Variants in NID2 observed in about 807,000 individuals in gnomAD.
NID2 encodes the protein nidogen-2.
Under a neutral mutation model 145.4 loss-of-function variants are expected in NID2, and 83 were observed. That is an observed-to-expected ratio of 0.57 (90% confidence interval 0.48 to 0.69). The LOEUF (loss-of-function observed/expected upper bound fraction) is 0.69. Among genes scored for constraint, NID2 ranks in the 30% least tolerant of loss-of-function variants. The probability of loss-of-function intolerance (pLI) is 0.00; values close to 1 mark genes in which losing one functional copy is unlikely to be tolerated. For synonymous variants in NID2, 739 were observed against 701.3 expected (o/e 1.05, Z -0.85); for missense variants, 1,807 against 1,765.7 (o/e 1.02, Z -0.42).
chr14:52,040,578 T>C, intron 8 of NID2, 73 bp downstream of exon 8: 1 of 1,330,000 alleles, frequency 7.5e-7, no homozygotes, highest in South Asian at 1.2e-5. Flanking sequence ...ATGTAAGTCA[T>C]TTAAGCCTTG....
chr14:52,052,963 A>G (rs1317301199), intron 5 of NID2, among the ~76,000 whole-genome samples: 1 of 152,204 alleles, frequency 6.6e-6, no homozygotes, highest in Non-Finnish European at 1.5e-5. Context: ...TCTCAGTCCG[A>G]TCAGTGGGTC....
At chr14:52,015,340 A>G in intron 14 of NID2, 65 bp from the exon 15 acceptor site, 1 of 1,476,160 alleles carries the variant, frequency 6.8e-7, no homozygotes, top group Non-Finnish European at 9.2e-7. Context: ...AGAATGCAAA[A>G]TGTAGCTCAA....
intron 6 of NID2, 79 bp from the exon 7 acceptor site, chr14:52,042,429 G>C (rs1341211544): frequency 3.4e-6 from 5 of 1,478,554 alleles, no homozygotes; most frequent in Non-Finnish European, 4.5e-6. Context: ...TTATTCCACT[G>C]ACAACTTCCA....
At chr14:52,045,700 G>A (rs1034298786) in intron 5 of NID2, among the ~76,000 whole-genome samples, 43 of 152,174 alleles carry the variant, frequency 2.8e-4, no homozygotes, top group Non-Finnish European at 5.1e-4. Flanking sequence ...CAAAATCTCA[G>A]GTTTCTCCAG....
At chr14:52,037,448 C>A (rs1204846131) in intron 9 of NID2, among the ~76,000 whole-genome samples, 1 of 152,110 alleles carries the variant, frequency 6.6e-6, no homozygotes, top group Non-Finnish European at 1.5e-5. Context: ...TCCCCACTCC[C>A]GGCACTGTTG....
At chr14:52,042,996 G>A (rs1011067194) in intron 5 of NID2, 65 bp from the exon 6 acceptor site, 1 of 1,506,728 alleles carries the variant, frequency 6.6e-7, no homozygotes, top group Non-Finnish European at 9.2e-7. Context: ...CTGCATCGGG[G>A]ACACAACATC....
intron 9 of NID2, among the ~76,000 whole-genome samples, chr14:52,032,922 C>T (rs1891920454): frequency 1.3e-5 from 2 of 151,990 alleles, no homozygotes; most frequent in Admixed American, 1.3e-4. Flanking sequence ...AAATGTATGT[C>T]ACTGACAGGA....
At chr14:52,068,192 C>T in intron 1 of NID2, 29 bp from the exon 2 acceptor site, 5 of 1,603,514 alleles carry the variant, frequency 3.1e-6, no homozygotes, top group African/African-American at 1.3e-5. Context: ...AAAAAGGTGA[C>T]AGTCGCTCAA....
intron 16 of NID2, chr14:52,011,955 AATT>A (rs1891046671): frequency 5.6e-6 from 2 of 355,184 alleles, no homozygotes; most frequent in Admixed American, 7.7e-5. Context: ...TTGCTATAAA[AATT>A]AATACTATAA....
chr14:52,026,492 A>T (rs144004646), intron 12 of NID2, among the ~76,000 whole-genome samples: 161 of 152,346 alleles, frequency 1.1e-3, no homozygotes, highest in Middle Eastern at 3.4e-3. Context: ...TTTCAATCTG[A>T]TCACATACCA....
intron 9 of NID2, among the ~76,000 whole-genome samples, chr14:52,030,589 A>AGGAAGG (rs1566755767): frequency 2.4e-5 from 1 of 41,376 alleles, no homozygotes; most frequent in South Asian, 1.7e-3. Context: ...AAAGAAAGAA[A>AGGAAGG]GAAAGAAAGA....
rs1410536227 is a variant in NID2 at position 52,068,755 on chromosome 14, G to A, written c.228+12C>T. The A allele has an allele frequency of 6.3e-7, 1 of 1,594,108 alleles. No individual in the cohort carries two copies. The highest frequency in any genetic ancestry group is 1.7e-5 in the Admixed American group (1 of 59,906). ...AGCTGCGGGAAAAGTGCCAGGAGGG[G>A]GCTGAACTTACGTAGAGGTTGCTGA... On this transcript the variant is annotated intron_variant, in intron 1 of 21. Transcript: ENST00000216286.
rs1336063816 is a variant in NID2, at chr14:52,042,107, G to A, written c.1823C>T (p.Ala608Val). ...GCCTTCTCAGAGGCCCTACTCACCT[G>A]CGAGGCTGAAGCCGTTCTCAGAGCC... ...KPGSENGFSL[A>V]GAAFTHDMEV... Residue 608 changes from alanine (A) to valine (V), a missense_variant and splice_region_variant, in exon 7 of 22, where the codon GCA becomes GTA. Physicochemically the swap from Ala to Val is moderately conservative, Grantham distance 64. Coordinates refer to ENST00000216286, the MANE Select transcript of NID2 (RefSeq NM_007361.4). The A allele has an allele frequency of 1.3e-6, 2 of 1,588,770 alleles. No homozygotes were observed. The highest frequency in any genetic ancestry group is 1.2e-5 in the South Asian group (1 of 86,488).
In NID2 at chr14:52,011,574, G is replaced by C. The variant is rs1285250100; in HGVS notation, c.3530C>G (p.Pro1177Arg). The change falls in exon 17 of 22, where the codon CCT becomes CGT. Residue 1177 changes from proline to arginine, a missense_variant. Transcript: ENST00000216286. ...CTGACCTGAATTCACGATCGTCTCA[G>C]GCTCTGCTCCCAGTTCCAGACCAGC... Reference protein sequence around the residue: ...SRAGLELGAEPETIVNSGLIS... With the variant: ...SRAGLELGAERETIVNSGLIS... 15 of 1,614,068 alleles carry C rather than the reference G, an allele frequency of 9.3e-6. No homozygotes were observed. The highest frequency in any genetic ancestry group is 1.3e-5 in the African/African-American group (1 of 74,908).
At chr14:52,044,843 C>T (rs185200093) in intron 5 of NID2, among the ~76,000 whole-genome samples, 3 of 152,096 alleles carry the variant, frequency 2.0e-5, no homozygotes, top group East Asian at 1.9e-4. Flanking sequence ...GTCTCGGTCT[C>T]GAACTCCTGG....
At chr14:52,053,464 C>T in intron 5 of NID2, 115 bp downstream of exon 5, 1 of 1,136,822 alleles carries the variant, frequency 8.8e-7, no homozygotes, top group South Asian at 1.6e-5. Flanking sequence ...AAATTAGATC[C>T]AATCTTCTTT....
In NID2 at chr14:52,044,400, G is replaced by C. The variant is rs552005178; in HGVS notation, c.1430-1469C>G. 1.3e-4 allele frequency among the ~76,000 whole-genome samples: 14 copies of C among 108,698 alleles called. No homozygotes were observed. In the East Asian group the frequency reaches 3.2e-3, roughly 24 times the overall value. The allele number at this position is 108,698 out of a possible 152,430, so 71.3% of individuals were successfully genotyped here. A position where few individuals can be genotyped will look rare whatever the true frequency, so the allele number is the denominator to read the frequency against. On this transcript the variant is annotated intron_variant, in intron 5 of 21. Transcript: ENST00000216286. The stretch of plus-strand genomic sequence containing the variant: ...TTCTCTTGCCTCAGCCTCCTGAGTA[G>C]CTGGGACTACAGGCACCCACCACCA...
At chr14:52,067,260 A>C (rs1266130595) in intron 2 of NID2, among the ~76,000 whole-genome samples, 1 of 152,256 alleles carries the variant, frequency 6.6e-6, no homozygotes, top group Non-Finnish European at 1.5e-5. Context: ...AGTAGTATGC[A>C]TCATTATAAA....
rs113703347 is a variant in NID2 at position 52,026,929 on chromosome 14, G to A, written c.2674+272C>T. ...CTTTCCCTAAATTCCTCCAGCCTGC[G>A]CTGGCTCCAAGGAACCAAGGTTAGA... On this transcript the variant is annotated intron_variant, in intron 12 of 21. Transcript: ENST00000216286. Among the ~76,000 whole-genome samples, 77 of 152,322 alleles carry A rather than the reference G, an allele frequency of 5.1e-4. 1 individual carries two copies. The highest frequency in any genetic ancestry group is 1.6e-3 in the African/African-American group (66 of 41,574).
Sources: allele counts gnomAD v4.1 joint callset (sites outside exome capture counted in the v4.1 genomes callset), GRCh38; gene constraint gnomAD v4.1.1; transcripts MANE v1.5; gene names NCBI Gene and HGNC (gene_info 2026-07-23, HGNC 2026-07-21).